CDR2: variants seen among roughly 807,000 people sequenced by gnomAD.
CDR2 encodes the protein cerebellar degeneration related protein 2.
Under a neutral mutation model 48.4 loss-of-function variants are expected in CDR2, and 34 were observed. The ratio of observed to expected loss-of-function variants is 0.70; its 90% CI spans 0.53 to 0.94. The LOEUF (loss-of-function observed/expected upper bound fraction) is 0.94, where lower values mean the gene tolerates loss of function less well. Among genes scored for constraint, CDR2 ranks in the 40% least tolerant of loss-of-function variants. The pLI is 0.00. For missense variants in CDR2, 498 were observed against 549.5 expected (o/e 0.91, Z 0.94); for synonymous variants, 240 against 219.7 (o/e 1.09, Z -0.82).
At chr16:22,370,853 G>A (rs1424660047) in intron 1 of CDR2, among the ~76,000 whole-genome samples, 1 of 152,220 alleles carries the variant, frequency 6.6e-6, no homozygotes, top group Non-Finnish European at 1.5e-5. Context: ...TCTATTCAGA[G>A]CATGGCTTAC....
At chr16:22,354,259 C>T (rs564775098) in intron 2 of CDR2, among the ~76,000 whole-genome samples, 4 of 152,280 alleles carry the variant, frequency 2.6e-5, no homozygotes, top group African/African-American at 9.6e-5. Flanking sequence ...AAATCCTGGA[C>T]GTCCCCTGCC....
rs1439196667 is a variant in CDR2, at chr16:22,349,261, A to C, written c.506+18T>G. On this transcript the variant is annotated intron_variant, in intron 4 of 4. Transcript: ENST00000268383. ...GAGACAGTCCCTGCTGTAACTCCAC[A>C]GAAAGGCAGGCTCTTACTGGCGGAG... is the stretch of plus-strand genomic sequence containing the variant. 8.7e-6 allele frequency: 14 copies of C among 1,613,718 alleles called. No homozygotes were observed. The highest frequency in any genetic ancestry group is 1.3e-5 in the African/African-American group (1 of 74,932).
At chr16:22,354,302 G>A (rs2048960042) in intron 2 of CDR2, among the ~76,000 whole-genome samples, 1 of 152,164 alleles carries the variant, frequency 6.6e-6, no homozygotes, top group Non-Finnish European at 1.5e-5. Context: ...GGGTCTAGGA[G>A]ACACAGGCAT....
chr16:22,348,376 T>C (rs1418205551), intron 4 of CDR2, among the ~76,000 whole-genome samples: 2 of 152,310 alleles, frequency 1.3e-5, no homozygotes, highest in Non-Finnish European at 2.9e-5. Context: ...GAACATCTAT[T>C]CTAGCAGTAT....
intron 2 of CDR2, among the ~76,000 whole-genome samples, chr16:22,355,808 G>A (rs1297815558): frequency 1.3e-5 from 2 of 151,950 alleles, no homozygotes; most frequent in African/African-American, 4.8e-5. Flanking sequence ...CTCAGCCCCT[G>A]TCTATAAAAC....
chr16:22,374,179 G>T, intron 1 of CDR2, 52 bp downstream of exon 1: 2 of 1,196,266 alleles, frequency 1.7e-6, no homozygotes, highest in South Asian at 1.3e-5. Context: ...TTTCGCAGCG[G>T]GGGCCTCCCG....
intron 1 of CDR2, 98 bp from the exon 2 acceptor site, chr16:22,365,112 A>T: frequency 1.3e-6 from 1 of 772,546 alleles, no homozygotes; most frequent in Non-Finnish European, 2.2e-6. Context: ...TTTAAGTCAC[A>T]TCCCAATGGA....
chr16:22,367,941 G>C (rs1256399993), intron 1 of CDR2, among the ~76,000 whole-genome samples: 1 of 152,118 alleles, frequency 6.6e-6, no homozygotes, highest in Non-Finnish European at 1.5e-5. Flanking sequence ...GACTTTAGAG[G>C]CCAGGTGCAG....
At position 22,348,812 on chromosome 16, in the gene CDR2, G is replaced by A. The variant is rs116511468; in HGVS notation, c.506+467C>T. On this transcript the variant is annotated intron_variant, in intron 4 of 4. Coordinates refer to ENST00000268383, the MANE Select transcript of CDR2 (RefSeq NM_001802.2). ...TTCCGTTAGACTGAAAGCTCACAGG[G>A]GTAGAAACTATTTTGCTCGCCAACC... 5.4e-3 allele frequency among the ~76,000 whole-genome samples: 815 copies of A among 152,242 alleles called. 10 individuals carry two copies. Among genetic ancestry groups the A allele is most frequent in the African/African-American group, 0.019 (784 of 41,534 alleles).
At chr16:22,358,523 T>C (rs1049044397) in intron 2 of CDR2, among the ~76,000 whole-genome samples, 4 of 152,192 alleles carry the variant, frequency 2.6e-5, no homozygotes, top group Non-Finnish European at 4.4e-5. Flanking sequence ...AAATACCTAT[T>C]TGCAATTGTG....
Position 22,374,199 on chromosome 16 carries a change from GCCGCCCGCCCGCGGGGCGCCC to G in CDR2, c.79+11_79+31del. On this transcript the variant is annotated intron_variant, in intron 1 of 4. Coordinates refer to ENST00000268383, the MANE Select transcript of CDR2 (RefSeq NM_001802.2). Reference sequence around the variant, plus strand: ...CAGCGGGGGCCTCCCGGGCCAGGCCGCCGCCCGCCCGCGGGGCGCCCCCGCCCTCACCTTGCTGGAGGTCCT... The same window carrying G: ...CAGCGGGGGCCTCCCGGGCCAGGCCGCCGCCCTCACCTTGCTGGAGGTCCT... The G allele has an allele frequency of 6.7e-7, 1 of 1,498,384 alleles. No homozygotes were observed. Among genetic ancestry groups the G allele is most frequent in the Non-Finnish European group, 9.1e-7 (1 of 1,095,308 alleles). 92.8% of individuals were successfully genotyped at this position (1,498,384 alleles called of 1,614,324 possible). A position where few individuals can be genotyped will look rare whatever the true frequency, so the allele number is the denominator to read the frequency against.
intron 2 of CDR2, among the ~76,000 whole-genome samples, chr16:22,352,496 T>C (rs2048949286): frequency 6.6e-6 from 1 of 152,110 alleles, no homozygotes; most frequent in Non-Finnish European, 1.5e-5. Flanking sequence ...TCTTTAAATT[T>C]TAGAAAGACA....
At chr16:22,369,571 C>T (rs1421023496) in intron 1 of CDR2, among the ~76,000 whole-genome samples, 1 of 151,502 alleles carries the variant, frequency 6.6e-6, no homozygotes, top group Non-Finnish European at 1.5e-5. Flanking sequence ...TCTCGATCTC[C>T]TAAATATTTA....
intron 2 of CDR2, among the ~76,000 whole-genome samples, chr16:22,354,136 C>A (rs545138737): frequency 1.3e-5 from 2 of 152,322 alleles, no homozygotes. Flanking sequence ...TCCCCTCAAA[C>A]GGCTGAGACT....
chr16:22,349,122 T>C (rs2048924974), intron 4 of CDR2, 157 bp downstream of exon 4: 1 of 716,266 alleles, frequency 1.4e-6, no homozygotes, highest in East Asian at 2.6e-5. Flanking sequence ...CTAAGAACTC[T>C]GTAATTTATA....
chr16:22,355,127 T>A (rs1481714606), intron 2 of CDR2, among the ~76,000 whole-genome samples: 1 of 152,258 alleles, frequency 6.6e-6, no homozygotes, highest in African/African-American at 2.4e-5. Context: ...CGTTTTATTT[T>A]AACCACAATT....
chr16:22,353,949 A>G (rs2048958293), intron 2 of CDR2, among the ~76,000 whole-genome samples: 1 of 152,234 alleles, frequency 6.6e-6, no homozygotes, highest in Admixed American at 6.5e-5. Flanking sequence ...ATACAAATAT[A>G]TAATTTACAA....
At chr16:22,354,723 A>T (rs896284965) in intron 2 of CDR2, among the ~76,000 whole-genome samples, 13 of 149,024 alleles carry the variant, frequency 8.7e-5, no homozygotes, top group African/African-American at 3.0e-4. Context: ...CTCCATCTCT[A>T]CTTAAAAAAA....
chr16:22,348,697 T>A (rs572889935), intron 4 of CDR2, among the ~76,000 whole-genome samples: 1 of 152,244 alleles, frequency 6.6e-6, no homozygotes, highest in Admixed American at 6.5e-5. Flanking sequence ...ACAGCCAAGG[T>A]TGAGACCCAC....
Sources: allele counts gnomAD v4.1 joint callset (sites outside exome capture counted in the v4.1 genomes callset), GRCh38; gene constraint gnomAD v4.1.1; transcripts MANE v1.5; gene names NCBI Gene and HGNC (gene_info 2026-07-23, HGNC 2026-07-21).